The following MGAT4A variants were observed in gnomAD, a reference collection of about 807,000 sequenced individuals.
MGAT4A encodes the protein N-acetylglucosaminyltransferase IVa.
MGAT4A carries 33 observed loss-of-function variants against 74.1 expected under a neutral mutation model. The ratio of observed to expected loss-of-function variants is 0.45; its 90% CI spans 0.34 to 0.60. The LOEUF (loss-of-function observed/expected upper bound fraction) is 0.60. Ranked by LOEUF, MGAT4A falls within the 20% of genes least tolerant of loss-of-function variation. The probability of loss-of-function intolerance (pLI) is 0.02; values close to 1 mark genes in which losing one functional copy is unlikely to be tolerated. For synonymous variants in MGAT4A, 198 were observed against 210.4 expected, an observed-to-expected ratio of 0.94 and a Z score of 0.51; for missense variants, 479 against 628.3, an observed-to-expected ratio of 0.76 and a Z score of 2.54.
At chr2:98,667,230 C>T (rs1472763509) in intron 4 of MGAT4A, among the ~76,000 whole-genome samples, 2 of 152,278 alleles carry the variant, frequency 1.3e-5, no homozygotes, top group Non-Finnish European at 2.9e-5. Flanking sequence ...TGCCCAGTCT[C>T]AGGTATGTCT....
chr2:98,683,075 G>A (rs938743197), intron 2 of MGAT4A, among the ~76,000 whole-genome samples: 4 of 151,030 alleles, frequency 2.6e-5, no homozygotes, highest in Non-Finnish European at 5.9e-5. Context: ...GAGCCAGAGC[G>A]AGACTCCGTC....
At chr2:98,685,532 GA>G (rs528569858) in intron 2 of MGAT4A, among the ~76,000 whole-genome samples, 3 of 149,968 alleles carry the variant, frequency 2.0e-5, no homozygotes, top group Non-Finnish European at 3.0e-5. Context: ...TAAGCATAAA[GA>G]AAAAAAAATA....
In MGAT4A at chr2:98,669,306, G is replaced by A. The variant is rs573017142; in HGVS notation, c.403+5729C>T. ...TCTCCTGACAGTGAATAAGCCTCAC[G>A]AGATCTGATGGTTTTAAAAGGAGGA... is the stretch of plus-strand genomic sequence containing the variant. On this transcript the variant is annotated intron_variant, in intron 4 of 15. Coordinates refer to ENST00000393487, the MANE Select transcript of MGAT4A (RefSeq NM_012214.3). Among the ~76,000 whole-genome samples, 12 of 152,254 alleles carry A rather than the reference G, an allele frequency of 7.9e-5. 1 individual carries two copies. Among genetic ancestry groups the A allele is most frequent in the African/African-American group, 9.6e-5 (4 of 41,542 alleles).
intron 7 of MGAT4A, 187 bp downstream of exon 7, chr2:98,656,165 T>C (rs923518546): frequency 2.7e-5 from 14 of 518,544 alleles, no homozygotes; most frequent in Non-Finnish European, 4.7e-5. Flanking sequence ...TAAAAGCTAA[T>C]ATTAAGTTTT....
At chr2:98,705,718 T>C (rs1467376890) in intron 2 of MGAT4A, among the ~76,000 whole-genome samples, 1 of 149,896 alleles carries the variant, frequency 6.7e-6, no homozygotes, top group Non-Finnish European at 1.5e-5. Flanking sequence ...CCGAGGCAGG[T>C]GGATCATGAG....
At chr2:98,714,018 T>A (rs1378517276) in intron 2 of MGAT4A, among the ~76,000 whole-genome samples, 2 of 152,242 alleles carry the variant, frequency 1.3e-5, no homozygotes, top group Non-Finnish European at 2.9e-5. Flanking sequence ...TGTGTATGGG[T>A]TAGAATTCTG....
chr2:98,661,755 C>T (rs1055949224), intron 5 of MGAT4A, among the ~76,000 whole-genome samples: 1 of 152,110 alleles, frequency 6.6e-6, no homozygotes, highest in African/African-American at 2.4e-5. Context: ...TCATAATTTA[C>T]CCATCTCTGA....
intron 5 of MGAT4A, among the ~76,000 whole-genome samples, chr2:98,660,993 G>C (rs114593472): frequency 9.2e-5 from 14 of 152,300 alleles, no homozygotes; most frequent in Admixed American, 3.3e-4. Flanking sequence ...TATGGGTTAG[G>C]AGAAAATATC....
At position 98,622,903 on chromosome 2, in the gene MGAT4A, C is replaced by G. The variant is rs186965379; in HGVS notation, c.*2663G>C. 26 of 986,258 alleles carry G rather than the reference C, an allele frequency of 2.6e-5. No homozygotes were observed. The highest frequency in any genetic ancestry group is 1.2e-4 in the Admixed American group (2 of 16,294). 61.1% of individuals were successfully genotyped at this position (986,258 alleles called of 1,614,324 possible). A position where few individuals can be genotyped will look rare whatever the true frequency, so the allele number is the denominator to read the frequency against. ...ACATGGTGGCACACACCTATAATCC[C>G]AGCACTTTGGGAGGCTGAGGCAGGA... On this transcript the variant is annotated 3_prime_UTR_variant, in exon 16 of 16. Transcript: ENST00000393487.
intron 1 of MGAT4A, among the ~76,000 whole-genome samples, chr2:98,730,683 C>T (rs1468265596): frequency 9.3e-5 from 14 of 151,298 alleles, no homozygotes; most frequent in Non-Finnish European, 1.9e-4. Flanking sequence ...AGCCCCGCCA[C>T]GCCGGGGAGC....
intron 2 of MGAT4A, among the ~76,000 whole-genome samples, chr2:98,682,749 TC>T (rs1157512575): frequency 6.6e-6 from 1 of 150,948 alleles, no homozygotes; most frequent in East Asian, 1.9e-4. Flanking sequence ...CTGATTCTAA[TC>T]TCAAGGAAAC....
intron 2 of MGAT4A, among the ~76,000 whole-genome samples, chr2:98,701,271 A>G (rs541876564): frequency 6.6e-6 from 1 of 152,334 alleles, no homozygotes; most frequent in Admixed American, 6.5e-5. Context: ...AGGCTGATCT[A>G]TTAGTCTCTT....
chr2:98,723,027 C>G (rs1186598450), intron 2 of MGAT4A, among the ~76,000 whole-genome samples: 1 of 152,206 alleles, frequency 6.6e-6, no homozygotes, highest in Non-Finnish European at 1.5e-5. Context: ...GGAAATCTGC[C>G]TCATTTTTAT....
intron 2 of MGAT4A, among the ~76,000 whole-genome samples, chr2:98,681,617 C>G (rs1198493929): frequency 1.3e-5 from 2 of 152,118 alleles, no homozygotes; most frequent in East Asian, 3.9e-4. Flanking sequence ...TTAAGCAGTG[C>G]CTAGATACTG....
intron 2 of MGAT4A, among the ~76,000 whole-genome samples, chr2:98,703,818 C>T (rs756607908): frequency 3.9e-5 from 6 of 152,192 alleles, no homozygotes; most frequent in Non-Finnish European, 7.3e-5. Context: ...TGCTGTGATA[C>T]TGCCAGGACC....
chr2:98,660,371 A>C (rs917128888), intron 5 of MGAT4A, among the ~76,000 whole-genome samples: 1 of 151,522 alleles, frequency 6.6e-6, no homozygotes, highest in African/African-American at 2.4e-5. Flanking sequence ...ATGGGAAAAA[A>C]ATCCTAAAAT....
At position 98,624,628 on chromosome 2, in the gene MGAT4A, C is replaced by G. The variant is rs1701117404; in HGVS notation, c.*938G>C. The G allele has an allele frequency of 1.0e-6, 1 of 984,500 alleles. No individual in the cohort carries two copies. The highest frequency in any genetic ancestry group is 1.2e-6 in the Non-Finnish European group (1 of 829,302). 61.0% of individuals were successfully genotyped at this position (984,500 alleles called of 1,614,324 possible). A position where few individuals can be genotyped will look rare whatever the true frequency, so the allele number is the denominator to read the frequency against. ...AAAATGAGTGCAGATATAAAAGAATCAACAGCAGATAATGCACCTAATTCA... is the reference window on the plus strand; with the variant it reads ...AAAATGAGTGCAGATATAAAAGAATGAACAGCAGATAATGCACCTAATTCA... On this transcript the variant is annotated 3_prime_UTR_variant, in exon 16 of 16. Transcript: ENST00000393487.
Position 98,625,842 on chromosome 2 carries a change from A to C in MGAT4A, c.1469-7T>G. 6.3e-7 allele frequency: 1 copy of C among 1,580,676 alleles called. No individual in the cohort carries two copies. The highest frequency in any genetic ancestry group is 8.7e-7 in the Non-Finnish European group (1 of 1,150,516). On this transcript the variant is annotated splice_polypyrimidine_tract_variant and splice_region_variant and intron_variant, in intron 14 of 15. Transcript: ENST00000393487. ...ACACCATTCTCAAATTTTCCTTCAA[A>C]ATAAAAATCAATACTTGTTGGATAC...
In MGAT4A at chr2:98,623,630, T is replaced by C. The variant is rs568089430; in HGVS notation, c.*1936A>G. The C allele has an allele frequency of 2.7e-5, 27 of 985,258 alleles. No individual in the cohort carries two copies. In the African/African-American group the frequency reaches 4.5e-4, roughly 17 times the overall value. The allele number at this position is 985,258 out of a possible 1,614,324, so 61.0% of individuals were successfully genotyped here. On this transcript the variant is annotated 3_prime_UTR_variant, in exon 16 of 16. Transcript: ENST00000393487. Reference sequence around the variant, plus strand: ...AATTTAAAACATCCTAATAAAAAAATTTCAACTGGCCTTTAACTGACATAA... The same window carrying C: ...AATTTAAAACATCCTAATAAAAAAACTTCAACTGGCCTTTAACTGACATAA...
Sources: allele counts gnomAD v4.1 joint callset (sites outside exome capture counted in the v4.1 genomes callset), GRCh38; gene constraint gnomAD v4.1.1; transcripts MANE v1.5; gene names NCBI Gene and HGNC (gene_info 2026-07-23, HGNC 2026-07-21).